AGPAT5: variants seen among roughly 807,000 people sequenced by gnomAD.
The protein encoded by AGPAT5 is 1-acyl-sn-glycerol-3-phosphate acyltransferase epsilon.
A neutral mutation model predicts 45.6 loss-of-function variants in AGPAT5; 46 were observed. The ratio of observed to expected loss-of-function variants is 1.01; its 90% confidence interval spans 0.80 to 1.29. The LOEUF is 1.29. AGPAT5 is among the 50% of genes most tolerant of loss of function. AGPAT5 has a pLI of 0.00. For missense variants in AGPAT5, 673 were observed against 450.7 expected (o/e 1.49, Z -4.47); for synonymous variants, 272 against 167.0 (o/e 1.63, Z -4.85).
chr8:6,755,463 CTT>C (rs1229437256), intron 7 of AGPAT5, among the ~76,000 whole-genome samples: 1 of 152,150 alleles, frequency 6.6e-6, no homozygotes, highest in Non-Finnish European at 1.5e-5. Flanking sequence ...CACAAAAAAA[CTT>C]TCCAGTGTCA....
chr8:6,712,102 C>T (rs936195376), intron 1 of AGPAT5, among the ~76,000 whole-genome samples: 1 of 152,170 alleles, frequency 6.6e-6, no homozygotes, highest in African/African-American at 2.4e-5. Flanking sequence ...CGTAGTTTAA[C>T]TTGCCTTATT....
chr8:6,754,241 C>A (rs972141395), intron 6 of AGPAT5, among the ~76,000 whole-genome samples: 1 of 152,160 alleles, frequency 6.6e-6, no homozygotes, highest in Non-Finnish European at 1.5e-5. Flanking sequence ...CTTGTGCAAT[C>A]GAGGCTGAAA....
rs1375304854 is a variant in AGPAT5, at chr8:6,747,656, G to A, written c.587-14G>A. On this transcript the variant is annotated splice_polypyrimidine_tract_variant and intron_variant, in intron 5 of 7. Coordinates refer to ENST00000285518, the MANE Select transcript of AGPAT5 (RefSeq NM_018361.5). The stretch of plus-strand genomic sequence containing the variant: ...TTTGTAACTAATTAATGACGGCACT[G>A]AATTGACTTCTAGGCCTTGCAGTAT... The A allele has an allele frequency of 4.4e-6, 7 of 1,605,262 alleles. No individual in the cohort carries two copies. The highest frequency in any genetic ancestry group is 6.0e-6 in the Non-Finnish European group (7 of 1,173,946).
At chr8:6,723,639 A>T (rs557480025) in intron 1 of AGPAT5, among the ~76,000 whole-genome samples, 1 of 152,358 alleles carries the variant, frequency 6.6e-6, no homozygotes, top group South Asian at 2.1e-4. Flanking sequence ...GAACAGATCA[A>T]GCTATTGGTA....
intron 4 of AGPAT5, among the ~76,000 whole-genome samples, chr8:6,735,446 G>C (rs550226003): frequency 1.1e-3 from 160 of 152,292 alleles, no homozygotes; most frequent in Non-Finnish European, 1.9e-3. Context: ...TGTGTCTGTA[G>C]CCCAGGGGTT....
intron 4 of AGPAT5, among the ~76,000 whole-genome samples, chr8:6,735,807 C>A (rs931249437): frequency 1.3e-5 from 2 of 148,286 alleles, no homozygotes; most frequent in African/African-American, 4.9e-5. Context: ...TTTACAAAAA[C>A]GTCAGAAAGA....
chr8:6,715,043 A>G (rs1800273638), intron 1 of AGPAT5, among the ~76,000 whole-genome samples: 1 of 152,236 alleles, frequency 6.6e-6, no homozygotes, highest in African/African-American at 2.4e-5. Flanking sequence ...TCTAGAACCC[A>G]GATCCCTTAA....
chr8:6,749,283 G>A (rs1801574822), intron 6 of AGPAT5, among the ~76,000 whole-genome samples: 1 of 152,122 alleles, frequency 6.6e-6, no homozygotes, highest in Non-Finnish European at 1.5e-5. Context: ...GAGGAGTGAG[G>A]CCCAGGGGCT....
chr8:6,735,120 C>G (rs1485827399), intron 4 of AGPAT5, among the ~76,000 whole-genome samples: 1 of 152,170 alleles, frequency 6.6e-6, no homozygotes, highest in Non-Finnish European at 1.5e-5. Context: ...GGCTGTAAGT[C>G]TGTGCCCAGT....
intron 1 of AGPAT5, among the ~76,000 whole-genome samples, chr8:6,723,488 T>G (rs1268222172): frequency 3.6e-5 from 5 of 138,302 alleles, no homozygotes; most frequent in Admixed American, 2.9e-4. Context: ...CCCAAAGCAC[T>G]GGGATTGCAG....
chr8:6,736,144 G>A (rs963959591), intron 4 of AGPAT5, among the ~76,000 whole-genome samples: 8 of 152,242 alleles, frequency 5.3e-5, no homozygotes, highest in South Asian at 2.1e-4. Context: ...GAGCCACCAC[G>A]CCCAGCCTTC....
intron 1 of AGPAT5, among the ~76,000 whole-genome samples, chr8:6,717,735 A>C (rs1800377903): frequency 6.6e-6 from 1 of 152,192 alleles, no homozygotes; most frequent in Admixed American, 6.5e-5. Flanking sequence ...TACATATTGC[A>C]TTGCTTCCGG....
At chr8:6,752,037 C>T (rs1221392694) in intron 6 of AGPAT5, among the ~76,000 whole-genome samples, 1 of 152,070 alleles carries the variant, frequency 6.6e-6, no homozygotes, top group Non-Finnish European at 1.5e-5. Flanking sequence ...ATTAGCCGGG[C>T]ACAGTGGTAG....
At chr8:6,754,065 C>T (rs1390866683) in intron 6 of AGPAT5, among the ~76,000 whole-genome samples, 1 of 152,204 alleles carries the variant, frequency 6.6e-6, no homozygotes, top group Non-Finnish European at 1.5e-5. Context: ...CAGCCTCCCA[C>T]TCGGCATACC....
intron 1 of AGPAT5, among the ~76,000 whole-genome samples, chr8:6,719,090 A>C (rs912334988): frequency 1.5e-4 from 23 of 152,246 alleles, no homozygotes; most frequent in Admixed American, 9.8e-4. Flanking sequence ...CAGCTTTGAA[A>C]ATGACTTGCA....
At chr8:6,720,282 T>G (rs10481382) in intron 1 of AGPAT5, among the ~76,000 whole-genome samples, 3,390 of 152,298 alleles carry the variant, frequency 0.022, 127 homozygotes, top group African/African-American at 0.077. Flanking sequence ...GAATGACAAT[T>G]TCTGGTGCCA....
In AGPAT5 at chr8:6,755,089, A is replaced by T. The variant is rs773982882; in HGVS notation, c.784A>T (p.Ile262Phe). 2 of 1,604,156 alleles carry T rather than the reference A, an allele frequency of 1.2e-6. No individual in the cohort carries two copies. The highest frequency in any genetic ancestry group is 2.3e-5 in the South Asian group (2 of 88,148). ...CKECPKIHIH[I>F]DRIDKKDVPE... is the part of the protein sequence containing the mutation. Reference sequence around the variant, plus strand: ...AGAATGTCCAAAAATTCATATTCACATTGATCGTATCGACAAAAAAGATGT... The same window carrying T: ...AGAATGTCCAAAAATTCATATTCACTTTGATCGTATCGACAAAAAAGATGT... The change falls in exon 7 of 8, where the codon ATT becomes TTT. Residue 262 changes from isoleucine to phenylalanine, a missense_variant. By Grantham distance (21) the Ile-to-Phe change is conservative (BLOSUM62 0). Coordinates refer to ENST00000285518, the MANE Select transcript of AGPAT5 (RefSeq NM_018361.5).
At chr8:6,726,364 A>G (rs1459838144) in intron 2 of AGPAT5, among the ~76,000 whole-genome samples, 1 of 152,180 alleles carries the variant, frequency 6.6e-6, no homozygotes, top group Non-Finnish European at 1.5e-5. Context: ...TGTTAATTTC[A>G]TGTAGAGTTG....
rs541919154 is a variant in AGPAT5, at chr8:6,751,254, A to G, written c.745+3426A>G. 4.6e-5 allele frequency among the ~76,000 whole-genome samples: 7 copies of G among 152,354 alleles called. No homozygotes were observed. In the South Asian group the frequency reaches 8.3e-4, roughly 18 times the overall value. ...TTAGTATTAAATATTATCTCTATAT[A>G]TAGTAGGCTATTTAATATTCATATT... On this transcript the variant is annotated intron_variant, in intron 6 of 7. Coordinates refer to ENST00000285518, the MANE Select transcript of AGPAT5 (RefSeq NM_018361.5).
Sources: allele counts gnomAD v4.1 joint callset (sites outside exome capture counted in the v4.1 genomes callset), GRCh38; gene constraint gnomAD v4.1.1; transcripts MANE v1.5; gene names NCBI Gene and HGNC (gene_info 2026-07-23, HGNC 2026-07-21).